Variants in SLK observed in about 807,000 individuals in gnomAD.
The protein encoded by SLK is STE20-like serine/threonine-protein kinase.
SLK carries 67 observed loss-of-function variants against 147.7 expected under a neutral mutation model. That is an observed-to-expected ratio of 0.45 (90% CI 0.37 to 0.56). The LOEUF (loss-of-function observed/expected upper bound fraction) is 0.56. Among genes scored for constraint, SLK ranks in the 20% least tolerant of loss-of-function variants. The pLI is 0.00. For synonymous variants in SLK, 441 were observed against 475.0 expected (o/e 0.93, Z 0.93); for missense variants, 1,136 against 1,438.8 (o/e 0.79, Z 3.41).
At chr10:103,995,414 C>CTTTTTTTTTTTTTTTTTT (rs1564655785) in intron 4 of SLK, among the ~76,000 whole-genome samples, 1 of 125,382 alleles carries the variant, frequency 8.0e-6, no homozygotes. Flanking sequence ...TTTTTCTTTT[C>CTTTTTTTTTTTTTTTTTT]TTTCTTTTCT....
chr10:104,008,364 T>C lies in SLK; in HGVS notation c.2784+8T>C. 1 of 1,580,504 alleles carries C rather than the reference T, an allele frequency of 6.3e-7. No individual in the cohort carries two copies. The highest frequency in any genetic ancestry group is 8.6e-7 in the Non-Finnish European group (1 of 1,164,990). ...AAGAACCGAAAGAAGGAGGTAAGTG[T>C]AAACTACTGTTTTTAATTACTAAAG... On this transcript the variant is annotated splice_region_variant and intron_variant, in intron 12 of 18. Coordinates refer to ENST00000369755, the MANE Select transcript of SLK (RefSeq NM_014720.4).
At chr10:103,992,241 C>G (rs752967238) in intron 2 of SLK, among the ~76,000 whole-genome samples, 4 of 138,534 alleles carry the variant, frequency 2.9e-5, no homozygotes, top group Non-Finnish European at 6.1e-5. Flanking sequence ...TATTTGTTCA[C>G]TTAAAGCACA....
At chr10:104,010,071 A>G (rs1844380953) in intron 12 of SLK, among the ~76,000 whole-genome samples, 4 of 152,206 alleles carry the variant, frequency 2.6e-5, no homozygotes, top group Admixed American at 2.0e-4. Flanking sequence ...GAGCTCTAAA[A>G]TGTACTTCAT....
chr10:104,014,749 A>G (rs549663260), intron 13 of SLK, among the ~76,000 whole-genome samples: 1 of 152,318 alleles, frequency 6.6e-6, no homozygotes, highest in Admixed American at 6.5e-5. Context: ...TCTGATTAAT[A>G]TGATAAAATT....
At chr10:103,994,207 C>T (rs2134477773) in intron 4 of SLK, among the ~76,000 whole-genome samples, 1 of 152,196 alleles carries the variant, frequency 6.6e-6, no homozygotes. Flanking sequence ...ATATAGAAAA[C>T]CACACCAGAA....
Position 104,007,118 on chromosome 10 carries a change from A to G in SLK, c.2605-1059A>G, listed in dbSNP as rs1484392859. ...TGGAAGATTGAATCTGAAAATGACA[A>G]TCTTATTATTAAATAATGGCGATAT... On this transcript the variant is annotated intron_variant, in intron 11 of 18. Coordinates refer to ENST00000369755, the MANE Select transcript of SLK (RefSeq NM_014720.4). Among the ~76,000 whole-genome samples, 3 of 152,092 alleles carry G rather than the reference A, an allele frequency of 2.0e-5. No homozygotes were observed. In the South Asian group the frequency reaches 6.2e-4, roughly 31 times the overall value.
chr10:104,006,611 T>C (rs1247894451), intron 11 of SLK, among the ~76,000 whole-genome samples: 1 of 152,234 alleles, frequency 6.6e-6, no homozygotes, highest in Non-Finnish European at 1.5e-5. Context: ...AAGGAATTAG[T>C]AATGTAATAT....
At position 104,025,815 on chromosome 10, in the gene SLK, A is replaced by G; in HGVS notation, c.*95A>G. 1.9e-6 allele frequency: 2 copies of G among 1,058,630 alleles called. No homozygotes were observed. The highest frequency in any genetic ancestry group is 5.0e-5 in the East Asian group (2 of 40,198). 65.6% of individuals were successfully genotyped at this position (1,058,630 alleles called of 1,614,324 possible). Reference sequence around the variant, plus strand: ...GTCTCTCAGATAGCTCATGAAGACAATCACCTGCCTCACCTTCTAGGTGTT... The same window carrying G: ...GTCTCTCAGATAGCTCATGAAGACAGTCACCTGCCTCACCTTCTAGGTGTT... On this transcript the variant is annotated 3_prime_UTR_variant, in exon 19 of 19. Coordinates refer to ENST00000369755, the MANE Select transcript of SLK (RefSeq NM_014720.4).
At chr10:103,973,718 G>A (rs1182466226) in intron 1 of SLK, among the ~76,000 whole-genome samples, 2 of 152,044 alleles carry the variant, frequency 1.3e-5, no homozygotes, top group South Asian at 2.1e-4. Flanking sequence ...TAAATACTTT[G>A]TTTTTCCTGT....
intron 1 of SLK, among the ~76,000 whole-genome samples, chr10:103,981,082 C>T (rs917274105): frequency 4.6e-5 from 7 of 151,994 alleles, no homozygotes; most frequent in Non-Finnish European, 7.4e-5. Context: ...ATATTAGTGA[C>T]GTTGAGCATC....
intron 11 of SLK, among the ~76,000 whole-genome samples, chr10:104,007,154 A>G (rs1844337722): frequency 6.6e-6 from 1 of 152,108 alleles, no homozygotes; most frequent in Admixed American, 6.5e-5. Context: ...TATTAATAAT[A>G]TTATTTTATT....
rs1844271789 is a variant in SLK at position 104,002,925 on chromosome 10, AAATT to A, written c.1755_1758del (p.Asn586SerfsTer19). On this transcript the variant is annotated frameshift_variant, in exon 9 of 19. Coordinates refer to ENST00000369755, the MANE Select transcript of SLK (RefSeq NM_014720.4). LOFTEE classifies it high-confidence loss of function. Reference sequence around the variant, plus strand: ...GAAAGAAGTGGTCGAAGTAGGCCAGAAATTAATTAATAAGCCCATGGTGGGTCCT... The same window carrying A: ...GAAAGAAGTGGTCGAAGTAGGCCAGAAATTAATAAGCCCATGGTGGGTCCT... 6.2e-7 allele frequency: 1 copy of A among 1,614,192 alleles called. No homozygotes were observed. Among genetic ancestry groups the A allele is most frequent in the Non-Finnish European group, 8.5e-7 (1 of 1,180,020 alleles).
At chr10:103,987,446 G>C (rs1844032421) in intron 1 of SLK, among the ~76,000 whole-genome samples, 1 of 152,052 alleles carries the variant, frequency 6.6e-6, no homozygotes, top group Non-Finnish European at 1.5e-5. Flanking sequence ...TGACATTTAG[G>C]CTGATTCACT....
rs1193300530 is a variant in SLK, at chr10:104,017,401, T to G, written c.2878-759T>G. The stretch of plus-strand genomic sequence containing the variant: ...TTAGGATAGCCATGATATTTCTTCC[T>G]AAAATTCTTCCTCTTTAGTTCCCCA... On this transcript the variant is annotated intron_variant, in intron 13 of 18. Transcript: ENST00000369755. 2.0e-5 allele frequency among the ~76,000 whole-genome samples: 3 copies of G among 152,232 alleles called. No homozygotes were observed. The East Asian group carries it at 5.8e-4, about 29-fold the overall frequency.
intron 16 of SLK, 86 bp downstream of exon 16, chr10:104,020,008 A>G (rs1339868287): frequency 1.8e-6 from 2 of 1,083,434 alleles, no homozygotes; most frequent in Non-Finnish European, 2.7e-6. Flanking sequence ...TTTCTTTCTA[A>G]ACAATTAGAG....
chr10:104,024,559 C>T (rs573876196), intron 18 of SLK, among the ~76,000 whole-genome samples: 3 of 152,294 alleles, frequency 2.0e-5, no homozygotes, highest in South Asian at 4.1e-4. Context: ...TGCTGTGTTT[C>T]GGCTCTGTTT....
intron 17 of SLK, among the ~76,000 whole-genome samples, chr10:104,021,395 T>TAA (rs1844531710): frequency 6.6e-6 from 1 of 152,246 alleles, no homozygotes; most frequent in Non-Finnish European, 1.5e-5. Context: ...TAGTTCTTTT[T>TAA]AAGTTCTTTT....
intron 10 of SLK, 99 bp from the exon 11 acceptor site, chr10:104,005,813 G>A (rs150158474): frequency 1.7e-4 from 250 of 1,484,732 alleles, no homozygotes; most frequent in African/African-American, 9.8e-4. Flanking sequence ...TTTTACTACC[G>A]TTCCACTCGA....
chr10:103,995,845 T>C (rs764224159), intron 4 of SLK, among the ~76,000 whole-genome samples: 2 of 152,190 alleles, frequency 1.3e-5, no homozygotes, highest in Non-Finnish European at 2.9e-5. Flanking sequence ...CTAGGACTTT[T>C]CAAAGGACAG....
Sources: gnomAD v4.1 joint callset for allele counts (sites outside exome capture counted in the v4.1 genomes callset) on GRCh38, gnomAD v4.1.1 for gene constraint, MANE v1.5 for transcripts, NCBI Gene and HGNC (gene_info 2026-07-23, HGNC 2026-07-21) for gene names.